Variants in NALF1 observed in about 807,000 individuals in gnomAD.
NALF1 encodes family with sequence similarity 155 member A.
In NALF1, 3 loss-of-function variants were observed where a neutral mutation model predicts 48.4. That is an observed-to-expected ratio of 0.06 (90% CI 0.03 to 0.16). The LOEUF (loss-of-function observed/expected upper bound fraction) is 0.16. Ranked by LOEUF, NALF1 falls within the 10% of genes least tolerant of loss-of-function variation. NALF1 has a pLI of 1.00. For missense variants in NALF1, 526 were observed against 571.5 expected (o/e 0.92, Z 0.81); for synonymous variants, 262 against 245.7 (o/e 1.07, Z -0.62).
At chr13:107,637,723 G>A (rs1371970440) in intron 1 of NALF1, among the ~76,000 whole-genome samples, 4 of 152,084 alleles carry the variant, frequency 2.6e-5, no homozygotes, top group Non-Finnish European at 5.9e-5. Context: ...AAATGGGAGG[G>A]CTGAACCAGC....
intron 2 of NALF1, among the ~76,000 whole-genome samples, chr13:107,177,962 G>A (rs777205851): frequency 2.6e-5 from 4 of 152,120 alleles, no homozygotes; most frequent in Non-Finnish European, 5.9e-5. Context: ...CAGGAGAATC[G>A]CTTGAACCCA....
chr13:107,261,096 G>C (rs1048276088), intron 1 of NALF1, among the ~76,000 whole-genome samples: 1 of 152,194 alleles, frequency 6.6e-6, no homozygotes, highest in Non-Finnish European at 1.5e-5. Flanking sequence ...TTTTGGACTG[G>C]TTTGTTAGAG....
chr13:107,369,207 T>G (rs561139245), intron 1 of NALF1, among the ~76,000 whole-genome samples: 1 of 152,178 alleles, frequency 6.6e-6, no homozygotes, highest in African/African-American at 2.4e-5. Flanking sequence ...CTGAGTGTGG[T>G]TCCCCTCCCA....
At chr13:107,485,575 T>C (rs56332756) in intron 1 of NALF1, among the ~76,000 whole-genome samples, 1 of 152,166 alleles carries the variant, frequency 6.6e-6, no homozygotes, top group Non-Finnish European at 1.5e-5. Flanking sequence ...GGTTGGGAAC[T>C]GAACTGCTTG....
intron 1 of NALF1, among the ~76,000 whole-genome samples, chr13:107,257,542 C>CT (rs386380638): frequency 7.7e-3 from 1 of 130 alleles, no homozygotes; most frequent in African/African-American, 0.026. Context: ...CTAGAAGAAA[C>CT]TCTGGGATAG....
intron 1 of NALF1, among the ~76,000 whole-genome samples, chr13:107,383,751 C>A (rs537542101): frequency 3.3e-5 from 5 of 152,074 alleles, no homozygotes; most frequent in African/African-American, 9.7e-5. Flanking sequence ...TTCCCTTAAA[C>A]AAGAACAAAT....
intron 1 of NALF1, among the ~76,000 whole-genome samples, chr13:107,540,850 T>G (rs2139119119): frequency 6.6e-6 from 1 of 152,202 alleles, no homozygotes; most frequent in South Asian, 2.1e-4. Flanking sequence ...CACACAAACT[T>G]GAATACATAA....
chr13:107,322,808 T>TC (rs1164392104), intron 1 of NALF1, among the ~76,000 whole-genome samples: 1 of 152,116 alleles, frequency 6.6e-6, no homozygotes, highest in Admixed American at 6.6e-5. Flanking sequence ...GCTTTACCAT[T>TC]CATAAATTAC....
chr13:107,347,009 T>A (rs1235516497), intron 1 of NALF1, among the ~76,000 whole-genome samples: 1 of 152,188 alleles, frequency 6.6e-6, no homozygotes, highest in Admixed American at 6.5e-5. Context: ...AAATTAAAAT[T>A]TTCTTATTTC....
intron 1 of NALF1, among the ~76,000 whole-genome samples, chr13:107,654,967 C>G (rs998914007): frequency 1.3e-5 from 2 of 152,046 alleles, no homozygotes; most frequent in African/African-American, 4.8e-5. Flanking sequence ...GATTAAAACC[C>G]TCAGCCAAAT....
At chr13:107,232,906 T>C (rs1352191370) in intron 1 of NALF1, among the ~76,000 whole-genome samples, 1 of 152,158 alleles carries the variant, frequency 6.6e-6, no homozygotes, top group East Asian at 1.9e-4. Context: ...GCTTTCCCCA[T>C]CTTTATGGAT....
chr13:107,523,496 A>C (rs997670557), intron 1 of NALF1, among the ~76,000 whole-genome samples: 1 of 148,068 alleles, frequency 6.8e-6, no homozygotes, highest in South Asian at 2.3e-4. Flanking sequence ...AGCATTAGGT[A>C]TATCTCCTAA....
At position 107,558,073 on chromosome 13, in the gene NALF1, C is replaced by A. The variant is rs368246144; in HGVS notation, c.915+307609G>T. The stretch of plus-strand genomic sequence containing the variant: ...CCAAGCTGCGTCCCTGTTGTCTACA[C>A]GCAGGTCACTGGCCTAATGATTCTG... On this transcript the variant is annotated intron_variant, in intron 1 of 2. Transcript: ENST00000375915. 9.2e-5 allele frequency among the ~76,000 whole-genome samples: 14 copies of A among 151,414 alleles called. No individual in the cohort carries two copies. The East Asian group carries it at 2.5e-3, about 27-fold the overall frequency.
At chr13:107,499,299 G>A (rs975996188) in intron 1 of NALF1, among the ~76,000 whole-genome samples, 1 of 152,002 alleles carries the variant, frequency 6.6e-6, no homozygotes, top group African/African-American at 2.4e-5. Context: ...TAAACTATTA[G>A]AACTAAATCC....
intron 1 of NALF1, among the ~76,000 whole-genome samples, chr13:107,709,410 C>T (rs745454325): frequency 2.6e-5 from 4 of 152,172 alleles, no homozygotes; most frequent in Non-Finnish European, 5.9e-5. Context: ...GCAGTGAGAA[C>T]GTGGATAATT....
At chr13:107,201,548 G>T (rs1014535295) in intron 2 of NALF1, among the ~76,000 whole-genome samples, 1 of 152,102 alleles carries the variant, frequency 6.6e-6, no homozygotes, top group Admixed American at 6.5e-5. Flanking sequence ...CTGCACTCCA[G>T]CCTGGGTGAC....
chr13:107,387,808 T>G (rs1883555445), intron 1 of NALF1, among the ~76,000 whole-genome samples: 1 of 152,214 alleles, frequency 6.6e-6, no homozygotes, highest in South Asian at 2.1e-4. Context: ...GTACTTGTAC[T>G]TTTTTCAAAA....
In NALF1 at chr13:107,749,128, T is replaced by TTGTGTGTGTGTGTGTG. The variant is rs58213843; in HGVS notation, c.915+116538_915+116553dup. Among the ~76,000 whole-genome samples, 626 of 147,438 alleles carry TTGTGTGTGTGTGTGTG rather than the reference T, an allele frequency of 4.2e-3. 4 individuals are homozygous for TTGTGTGTGTGTGTGTG. The highest frequency in any genetic ancestry group is 5.3e-3 in the Non-Finnish European group (353 of 66,918). On this transcript the variant is annotated intron_variant, in intron 1 of 2. Coordinates refer to ENST00000375915, the MANE Select transcript of NALF1 (RefSeq NM_001080396.3). ...ATGACTCAGACTATAATGTCTATAATTGTGTGTGTGTGTGTGTGTGTGTGT... is the reference window on the plus strand; with the variant it reads ...ATGACTCAGACTATAATGTCTATAATTGTGTGTGTGTGTGTGTGTGTGTGTGTGTGTGTGTGTGTGT...
At chr13:107,381,734 A>G (rs890447740) in intron 1 of NALF1, among the ~76,000 whole-genome samples, 1 of 152,064 alleles carries the variant, frequency 6.6e-6, no homozygotes, top group Non-Finnish European at 1.5e-5. Flanking sequence ...GAGAAAGGTG[A>G]CTCGACTCTT....
Sources: allele counts gnomAD v4.1 joint callset (sites outside exome capture counted in the v4.1 genomes callset), GRCh38; gene constraint gnomAD v4.1.1; transcripts MANE v1.5; gene names NCBI Gene and HGNC (gene_info 2026-07-23, HGNC 2026-07-21).